PABPC4L: variants seen among roughly 807,000 people sequenced by gnomAD.
PABPC4L encodes poly(A) binding protein cytoplasmic 4 like, also known as polyadenylate-binding protein 4-like.
For missense variants in PABPC4L, 452 were observed against 451.4 expected (o/e 1.00, Z -0.01); for synonymous variants, 169 against 164.1 (o/e 1.03, Z -0.23).
At chr4:134,143,432 T>A in the PABPC4L span, among the ~76,000 whole-genome samples, 1 of 150,438 alleles carries the variant, frequency 6.6e-6, no homozygotes, top group Admixed American at 6.7e-5. Flanking sequence ...TTGTTTAAAT[T>A]GCTTTGTCAT....
the PABPC4L span, among the ~76,000 whole-genome samples, chr4:134,031,945 A>T: frequency 6.6e-6 from 1 of 151,938 alleles, no homozygotes; most frequent in Non-Finnish European, 1.5e-5. Flanking sequence ...ATATTAATAG[A>T]TCAATTTTTG....
chr4:134,084,677 G>A, the PABPC4L span, among the ~76,000 whole-genome samples: 1 of 152,090 alleles, frequency 6.6e-6, no homozygotes, highest in African/African-American at 2.4e-5. Context: ...GGAAAGAAAA[G>A]AGAAGTCTCA....
chr4:134,045,827 G>C, the PABPC4L span, among the ~76,000 whole-genome samples: 44 of 152,168 alleles, frequency 2.9e-4, no homozygotes, highest in African/African-American at 9.9e-4. Flanking sequence ...TCTTTGCTAA[G>C]AGAGCATACT....
chr4:134,028,791 C>T, the PABPC4L span, among the ~76,000 whole-genome samples: 2 of 152,010 alleles, frequency 1.3e-5, no homozygotes, highest in South Asian at 2.1e-4. Flanking sequence ...CTGTGCAGAC[C>T]ATGTACATTT....
the PABPC4L span, among the ~76,000 whole-genome samples, chr4:134,121,160 T>G: frequency 2.0e-5 from 3 of 151,414 alleles, no homozygotes; most frequent in Non-Finnish European, 4.4e-5. Flanking sequence ...CAATTCTTTA[T>G]GATCTTTATA....
At chr4:134,180,693 A>G in the PABPC4L span, among the ~76,000 whole-genome samples, 1 of 151,628 alleles carries the variant, frequency 6.6e-6, no homozygotes, top group Non-Finnish European at 1.5e-5. Flanking sequence ...AAAGACAAAG[A>G]GGATGTACAG....
the PABPC4L span, among the ~76,000 whole-genome samples, chr4:134,060,049 G>A: frequency 2.0e-5 from 3 of 152,108 alleles, no homozygotes; most frequent in Non-Finnish European, 4.4e-5. Context: ...AGAGCACAGT[G>A]ATTGCGAGAC....
At chr4:134,175,323 C>T in the PABPC4L span, among the ~76,000 whole-genome samples, 1 of 152,068 alleles carries the variant, frequency 6.6e-6, no homozygotes, top group South Asian at 2.1e-4. Flanking sequence ...TGTGCTATGT[C>T]AGCCTCTGTA....
At chr4:134,050,652 C>A in the PABPC4L span, among the ~76,000 whole-genome samples, 1 of 139,108 alleles carries the variant, frequency 7.2e-6, no homozygotes, top group Non-Finnish European at 1.5e-5. Flanking sequence ...TTGCAGTGAG[C>A]CGAGATGATG....
chr4:133,997,121 C>G, the PABPC4L span, among the ~76,000 whole-genome samples: 1 of 152,216 alleles, frequency 6.6e-6, no homozygotes, highest in African/African-American at 2.4e-5. Context: ...TAAGGCCTCT[C>G]TATTACCTGA....
the PABPC4L span, among the ~76,000 whole-genome samples, chr4:134,183,940 A>T: frequency 8.3e-5 from 12 of 144,814 alleles, no homozygotes; most frequent in Admixed American, 2.7e-4. Context: ...GTGTGTGTGT[A>T]GAACTTAACA....
chr4:134,069,612 G>A, the PABPC4L span, among the ~76,000 whole-genome samples: 1 of 152,118 alleles, frequency 6.6e-6, no homozygotes, highest in Non-Finnish European at 1.5e-5. Context: ...CAATTCTGCT[G>A]TTAATACTTG....
At chr4:134,045,923 C>T in the PABPC4L span, among the ~76,000 whole-genome samples, 9 of 152,030 alleles carry the variant, frequency 5.9e-5, no homozygotes, top group African/African-American at 2.2e-4. Context: ...TCCAAGTTAC[C>T]CCATTACCAT....
At chr4:134,032,799 G>C in the PABPC4L span, among the ~76,000 whole-genome samples, 3 of 151,720 alleles carry the variant, frequency 2.0e-5, no homozygotes, top group Non-Finnish European at 4.4e-5. Flanking sequence ...CTAGAAAAAA[G>C]TGATTAGTTC....
chr4:134,154,083 T>G, the PABPC4L span, among the ~76,000 whole-genome samples: 1 of 152,046 alleles, frequency 6.6e-6, no homozygotes, highest in Non-Finnish European at 1.5e-5. Context: ...TCAGTAAAGA[T>G]AATCTATCTT....
chr4:134,012,570 T>C, the PABPC4L span, among the ~76,000 whole-genome samples: 91 of 152,292 alleles, frequency 6.0e-4, no homozygotes, highest in Middle Eastern at 6.8e-3. Context: ...TTAAAAGCTT[T>C]ATTGCTCACA....
chr4:133,959,619 T>C, the PABPC4L span, among the ~76,000 whole-genome samples: 6 of 152,316 alleles, frequency 3.9e-5, no homozygotes, highest in Admixed American at 2.0e-4. Flanking sequence ...TCCTAGGCCA[T>C]GTTTAAAAGA....
At chr4:134,037,353 C>T in the PABPC4L span, among the ~76,000 whole-genome samples, 2 of 152,036 alleles carry the variant, frequency 1.3e-5, no homozygotes, top group Non-Finnish European at 2.9e-5. Flanking sequence ...TTGTAGAGAT[C>T]TTCCAGGTCT....
chr4:134,040,876 C>A, the PABPC4L span, among the ~76,000 whole-genome samples: 32 of 151,910 alleles, frequency 2.1e-4, no homozygotes, highest in East Asian at 4.8e-3. Flanking sequence ...AAATTTACAA[C>A]AACAAAGAAA....
Sources: gnomAD v4.1 joint callset for allele counts (sites outside exome capture counted in the v4.1 genomes callset) on GRCh38, gnomAD v4.1.1 for gene constraint, MANE v1.5 for transcripts, NCBI Gene and HGNC (gene_info 2026-07-23, HGNC 2026-07-21) for gene names.